The following TGFBR2 variants were observed in gnomAD, a reference collection of about 807,000 sequenced individuals.
TGFBR2 encodes the protein TGF-beta receptor type-2.
Under a neutral mutation model 49.0 loss-of-function variants are expected in TGFBR2, and 18 were observed. That is an observed-to-expected ratio of 0.37 (90% CI 0.25 to 0.54). TGFBR2 has a LOEUF of 0.54. Ranked by LOEUF, TGFBR2 falls within the 20% of genes least tolerant of loss-of-function variation. The pLI is 0.85. For missense variants in TGFBR2, 525 were observed against 722.6 expected (o/e 0.73, Z 3.13); for synonymous variants, 282 against 275.9 (o/e 1.02, Z -0.22).
intron 2 of TGFBR2, among the ~76,000 whole-genome samples, chr3:30,647,787 C>G (rs1309492308): frequency 6.6e-6 from 1 of 152,098 alleles, no homozygotes; most frequent in Non-Finnish European, 1.5e-5. Context: ...TGCGATTCTC[C>G]TGCTTCAGCT....
At chr3:30,677,484 G>T (rs564964318) in intron 5 of TGFBR2, among the ~76,000 whole-genome samples, 1 of 152,126 alleles carries the variant, frequency 6.6e-6, no homozygotes, top group South Asian at 2.1e-4. Flanking sequence ...CCATCCTCAC[G>T]TTCGTCCTGA....
chr3:30,693,163 A>C lies in TGFBR2; in HGVS notation c.*1564A>C, dbSNP rs866542579. The C allele has an allele frequency of 1.7e-5, 4 of 233,242 alleles. No homozygotes were observed. Among genetic ancestry groups the C allele is most frequent in the African/African-American group, 8.8e-5 (4 of 45,334 alleles). 14.4% of individuals were successfully genotyped at this position (233,242 alleles called of 1,614,324 possible). A position where few individuals can be genotyped will look rare whatever the true frequency, so the allele number is the denominator to read the frequency against. ...CAGTTAGCCCAAGTTTCTTTTGCTT[A>C]TATGTTAATAGTTTTACCCTCTGCA... On this transcript the variant is annotated 3_prime_UTR_variant, in exon 7 of 7. Transcript: ENST00000295754.
At chr3:30,670,908 A>T (rs571616412) in intron 3 of TGFBR2, among the ~76,000 whole-genome samples, 4 of 152,248 alleles carry the variant, frequency 2.6e-5, no homozygotes, top group Non-Finnish European at 5.9e-5. Flanking sequence ...GTCCAAAGAG[A>T]TCCTTTCCAT....
intron 1 of TGFBR2, chr3:30,623,279 GTATCATTAA>G (rs1186051474): frequency 6.2e-7 from 1 of 1,613,716 alleles, no homozygotes; most frequent in Non-Finnish European, 8.5e-7. Context: ...ACATAGTAAA[GTATCATTAA>G]TTAATCTTTT....
intron 1 of TGFBR2, among the ~76,000 whole-genome samples, chr3:30,607,735 C>T (rs1697948219): frequency 6.7e-6 from 1 of 149,364 alleles, no homozygotes; most frequent in South Asian, 2.1e-4. Flanking sequence ...GGTTAAAATC[C>T]TAACTAGGCT....
chr3:30,671,521 A>T lies in TGFBR2; in HGVS notation c.455-117A>T, dbSNP rs916346921. 5.5e-5 allele frequency: 57 copies of T among 1,027,084 alleles called. No homozygotes were observed. In the African/African-American group the frequency reaches 8.5e-4, roughly 15 times the overall value. The allele number at this position is 1,027,084 out of a possible 1,614,324, so 63.6% of individuals were successfully genotyped here. On this transcript the variant is annotated intron_variant, in intron 3 of 6. Coordinates refer to ENST00000295754, the MANE Select transcript of TGFBR2 (RefSeq NM_003242.6). ...CTGAAATAAAAATTAACAATATCGT[A>T]TCTACAAAAACTATGCAGATGCTAA...
Position 30,606,786 on chromosome 3 carries a change from G to A in TGFBR2, c.-98G>A, listed in dbSNP as rs1697929460. ...ATCTGCGCTGCCGGCCCGGCGCGGG[G>A]TCCGGAGAGGGCGCGGCGCGGAGGC... is the stretch of plus-strand genomic sequence containing the variant. On this transcript the variant is annotated 5_prime_UTR_variant, in exon 1 of 7. Transcript: ENST00000295754. 2.2e-6 allele frequency: 2 copies of A among 905,278 alleles called. No homozygotes were observed. Among genetic ancestry groups the A allele is most frequent in the Non-Finnish European group, 3.0e-6 (2 of 671,334 alleles). The allele number at this position is 905,278 out of a possible 1,614,324, so 56.1% of individuals were successfully genotyped here. A position where few individuals can be genotyped will look rare whatever the true frequency, so the allele number is the denominator to read the frequency against.
rs373663407 is a variant in TGFBR2 at position 30,619,393 on chromosome 3, T to A, written c.94+12416T>A. Among the ~76,000 whole-genome samples, 33 of 152,304 alleles carry A rather than the reference T, an allele frequency of 2.2e-4. No homozygotes were observed. The East Asian group carries it at 5.2e-3, about 24-fold the overall frequency. On this transcript the variant is annotated intron_variant, in intron 1 of 6. Transcript: ENST00000295754. ...TGGCATTTTGAATAGCTGGCCTCTGTTAGAAAGCCTTCCATGGATTTTATG... is the reference window on the plus strand; with the variant it reads ...TGGCATTTTGAATAGCTGGCCTCTGATAGAAAGCCTTCCATGGATTTTATG...
chr3:30,660,456 T>C (rs1392348264), intron 3 of TGFBR2, among the ~76,000 whole-genome samples: 2 of 152,224 alleles, frequency 1.3e-5, no homozygotes, highest in South Asian at 2.1e-4. Context: ...TATTTTAATA[T>C]GCAGCCCACA....
At chr3:30,611,088 A>G (rs1358475146) in intron 1 of TGFBR2, among the ~76,000 whole-genome samples, 2 of 152,198 alleles carry the variant, frequency 1.3e-5, no homozygotes, top group Non-Finnish European at 2.9e-5. Flanking sequence ...AGCTGGTAAC[A>G]ATACCAAGCC....
intron 2 of TGFBR2, among the ~76,000 whole-genome samples, chr3:30,647,130 G>A (rs937029983): frequency 6.6e-6 from 1 of 152,132 alleles, no homozygotes; most frequent in African/African-American, 2.4e-5. Context: ...GTTGGCTGTT[G>A]AAGGATCACT....
intron 1 of TGFBR2, among the ~76,000 whole-genome samples, chr3:30,608,201 T>G (rs1414533038): frequency 6.6e-6 from 1 of 151,920 alleles, no homozygotes; most frequent in Non-Finnish European, 1.5e-5. Context: ...CCTCCCAAAG[T>G]GCTGGGATTA....
At position 30,648,460 on chromosome 3, in the gene TGFBR2, A is replaced by ACACACACACACACACACACACC. The variant is rs1553627538; in HGVS notation, c.264-1808_264-1807insCACACACACACACACACACCCA. Among the ~76,000 whole-genome samples, 927 of 142,464 alleles carry ACACACACACACACACACACACC rather than the reference A, an allele frequency of 6.5e-3. 30 individuals are homozygous for ACACACACACACACACACACACC. Among genetic ancestry groups the ACACACACACACACACACACACC allele is most frequent in the South Asian group, 9.8e-3 (43 of 4,370 alleles). 93.5% of individuals were successfully genotyped at this position (142,464 alleles called of 152,430 possible). A position where few individuals can be genotyped will look rare whatever the true frequency, so the allele number is the denominator to read the frequency against. ...CACACACACACACACACACACACAC[A>ACACACACACACACACACACACC]CAAAACTGTGGGGGCAGGGAGGAAG... is the stretch of plus-strand genomic sequence containing the variant. On this transcript the variant is annotated intron_variant, in intron 2 of 6. Transcript: ENST00000295754.
At chr3:30,678,580 C>T (rs1207715302) in intron 5 of TGFBR2, among the ~76,000 whole-genome samples, 1 of 148,136 alleles carries the variant, frequency 6.8e-6, no homozygotes, top group African/African-American at 2.5e-5. Flanking sequence ...AGGTATGGTC[C>T]ACCTCAACTG....
intron 3 of TGFBR2, chr3:30,661,605 A>T (rs1699132343): frequency 1.9e-6 from 1 of 515,982 alleles, no homozygotes; most frequent in African/African-American, 1.9e-5. Context: ...CTGGCTGGGA[A>T]TCTGCTCATG....
chr3:30,690,586 C>T (rs1575166176), intron 6 of TGFBR2, among the ~76,000 whole-genome samples: 2 of 152,176 alleles, frequency 1.3e-5, no homozygotes, highest in Non-Finnish European at 2.9e-5. Flanking sequence ...TGAAACCATG[C>T]TAATGCCTGC....
chr3:30,614,323 T>A (rs986844061), intron 1 of TGFBR2, among the ~76,000 whole-genome samples: 1 of 152,122 alleles, frequency 6.6e-6, no homozygotes, highest in Non-Finnish European at 1.5e-5. Flanking sequence ...TTAGAAGATA[T>A]AAGATTGTCA....
intron 3 of TGFBR2, among the ~76,000 whole-genome samples, chr3:30,658,217 C>G (rs902404947): frequency 6.6e-6 from 1 of 152,218 alleles, no homozygotes; most frequent in South Asian, 2.1e-4. Context: ...CAAATGCTAA[C>G]TACCAGAAAA....
At chr3:30,674,058 G>T (rs1330467375) in intron 4 of TGFBR2, 47 bp from the exon 5 acceptor site, 1 of 1,613,802 alleles carries the variant, frequency 6.2e-7, no homozygotes, top group Admixed American at 1.7e-5. Flanking sequence ...AAAATAAAAA[G>T]GCAGCTGGAA....
Sources: gnomAD v4.1 joint callset for allele counts (sites outside exome capture counted in the v4.1 genomes callset) on GRCh38, gnomAD v4.1.1 for gene constraint, MANE v1.5 for transcripts, NCBI Gene and HGNC (gene_info 2026-07-23, HGNC 2026-07-21) for gene names.